Variants in PTPRD observed in about 807,000 individuals in gnomAD.
The protein encoded by PTPRD is protein tyrosine phosphatase receptor type D.
Under a neutral mutation model 214.5 loss-of-function variants are expected in PTPRD, and 34 were observed. The ratio of observed to expected loss-of-function variants is 0.16; its 90% CI spans 0.12 to 0.21. The LOEUF (loss-of-function observed/expected upper bound fraction) is 0.21, where lower values mean the gene tolerates loss of function less well. Ranked by LOEUF, PTPRD falls within the 10% of genes least tolerant of loss-of-function variation. The pLI is 1.00. For missense variants in PTPRD, 2,545 were observed against 2,398.7 expected (o/e 1.06, Z -1.27); for synonymous variants, 1,128 against 845.7 (o/e 1.33, Z -5.79).
chr9:9,954,331 T>C (rs996533164), intron 4 of PTPRD, among the ~76,000 whole-genome samples: 2 of 144,278 alleles, frequency 1.4e-5, no homozygotes, highest in Non-Finnish European at 1.5e-5. Context: ...AAAAGATCAT[T>C]GTCCTATAAA....
intron 12 of PTPRD, among the ~76,000 whole-genome samples, chr9:8,643,819 C>A (rs1178166071): frequency 6.6e-6 from 1 of 152,220 alleles, no homozygotes; most frequent in Non-Finnish European, 1.5e-5. Context: ...CCTGCAGATG[C>A]CCCTTGGCGT....
intron 9 of PTPRD, among the ~76,000 whole-genome samples, chr9:9,346,420 G>C (rs970044646): frequency 1.3e-5 from 2 of 152,032 alleles, no homozygotes; most frequent in South Asian, 2.1e-4. Context: ...AATGTACAAA[G>C]TTATTACCAT....
At chr9:9,327,887 A>G (rs1176746318) in intron 9 of PTPRD, among the ~76,000 whole-genome samples, 1 of 147,146 alleles carries the variant, frequency 6.8e-6, no homozygotes, top group East Asian at 2.1e-4. Flanking sequence ...CACTAACACT[A>G]ACGATAGTTG....
chr9:10,144,847 C>T (rs964035435), intron 3 of PTPRD, among the ~76,000 whole-genome samples: 4 of 152,022 alleles, frequency 2.6e-5, no homozygotes, highest in Non-Finnish European at 5.9e-5. Context: ...GTGGTTTATA[C>T]ATTTCTGGGA....
intron 12 of PTPRD, among the ~76,000 whole-genome samples, chr9:8,719,167 G>A (rs1003103217): frequency 6.6e-6 from 1 of 152,024 alleles, no homozygotes; most frequent in African/African-American, 2.4e-5. Flanking sequence ...CAGGCACACC[G>A]TGCAATGAAA....
intron 3 of PTPRD, among the ~76,000 whole-genome samples, chr9:10,136,529 C>T (rs1004685147): frequency 3.3e-5 from 5 of 151,912 alleles, no homozygotes; most frequent in Non-Finnish European, 7.4e-5. Context: ...TTATACCAAA[C>T]AAACTTTTCA....
intron 9 of PTPRD, among the ~76,000 whole-genome samples, chr9:9,202,598 T>C (rs997558085): frequency 6.6e-6 from 1 of 152,082 alleles, no homozygotes; most frequent in African/African-American, 2.4e-5. Flanking sequence ...AGTTGGGGGA[T>C]GGGGGGTGTA....
chr9:9,956,081 AT>A (rs1023499491), intron 4 of PTPRD, among the ~76,000 whole-genome samples: 6 of 152,304 alleles, frequency 3.9e-5, no homozygotes, highest in South Asian at 2.1e-4. Flanking sequence ...TTTTAAAAAA[AT>A]ATATAGATTT....
At chr9:8,594,143 G>T (rs1054755488) in intron 14 of PTPRD, among the ~76,000 whole-genome samples, 1 of 152,242 alleles carries the variant, frequency 6.6e-6, no homozygotes, top group South Asian at 2.1e-4. Flanking sequence ...GGTTTGACAT[G>T]TGAAATCACA....
chr9:9,329,615 T>G (rs1318683111), intron 9 of PTPRD, among the ~76,000 whole-genome samples: 1 of 152,194 alleles, frequency 6.6e-6, no homozygotes, highest in African/African-American at 2.4e-5. Context: ...CCTTCTATCT[T>G]CTGTTAGAGA....
intron 11 of PTPRD, among the ~76,000 whole-genome samples, chr9:8,874,150 G>A (rs2098350259): frequency 6.6e-6 from 1 of 152,274 alleles, no homozygotes; most frequent in South Asian, 2.1e-4. Context: ...CAGCCATTAT[G>A]AATAGTTTCA....
At chr9:8,331,873 G>C (rs957111756) in intron 43 of PTPRD, 137 bp from the exon 44 acceptor site, 53 of 1,010,800 alleles carry the variant, frequency 5.2e-5, no homozygotes, top group Non-Finnish European at 5.9e-5. Flanking sequence ...TGTTTAAATA[G>C]AAACTTAGTT....
intron 8 of PTPRD, among the ~76,000 whole-genome samples, chr9:9,419,299 G>T (rs1390354674): frequency 6.6e-6 from 1 of 151,526 alleles, no homozygotes; most frequent in Non-Finnish European, 1.5e-5. Flanking sequence ...AATTCTATCA[G>T]ATTTAATCAA....
At chr9:10,436,270 A>G (rs1321708150) in intron 2 of PTPRD, among the ~76,000 whole-genome samples, 2 of 151,986 alleles carry the variant, frequency 1.3e-5, no homozygotes, top group East Asian at 1.9e-4. Context: ...ATGTATATGT[A>G]TACACACATA....
At chr9:9,696,239 A>G (rs1318031117) in intron 7 of PTPRD, among the ~76,000 whole-genome samples, 2 of 152,172 alleles carry the variant, frequency 1.3e-5, no homozygotes, top group African/African-American at 4.8e-5. Flanking sequence ...TATTCTTGAG[A>G]ATGTTTCATA....
chr9:10,554,762 G>A (rs376975467), intron 2 of PTPRD, among the ~76,000 whole-genome samples: 2 of 152,018 alleles, frequency 1.3e-5, no homozygotes, highest in East Asian at 1.9e-4. Flanking sequence ...CCGGCTTCAC[G>A]CCATTCTCCT....
At chr9:8,997,850 T>C (rs2099402808) in intron 11 of PTPRD, among the ~76,000 whole-genome samples, 1 of 152,066 alleles carries the variant, frequency 6.6e-6, no homozygotes, top group Admixed American at 6.6e-5. Flanking sequence ...AATACACAAA[T>C]GATAAGAAAG....
At chr9:9,128,736 G>A (rs1207776000) in intron 10 of PTPRD, among the ~76,000 whole-genome samples, 1 of 152,198 alleles carries the variant, frequency 6.6e-6, no homozygotes, top group East Asian at 1.9e-4. Context: ...GTGGAGTTTA[G>A]GTTTCGTGTA....
Position 8,373,912 on chromosome 9 carries a change from A to ACC in PTPRD, c.4661+2023_4661+2024insGG, listed in dbSNP as rs1369353142. 6.0e-3 allele frequency among the ~76,000 whole-genome samples: 522 copies of ACC among 86,444 alleles called. 1 individual carries two copies. Among genetic ancestry groups the ACC allele is most frequent in the Middle Eastern group, 0.013 (2 of 156 alleles). 56.7% of individuals were successfully genotyped at this position (86,444 alleles called of 152,430 possible). On this transcript the variant is annotated intron_variant, in intron 39 of 45. Transcript: ENST00000381196. ...TATCTATCTATCTATCTATCTATCTATCTACCTACCTACCTATCTCAGTTT... is the reference window on the plus strand; with the variant it reads ...TATCTATCTATCTATCTATCTATCTACCTCTACCTACCTACCTATCTCAGTTT...
Sources: gnomAD v4.1 joint callset for allele counts (sites outside exome capture counted in the v4.1 genomes callset) on GRCh38, gnomAD v4.1.1 for gene constraint, MANE v1.5 for transcripts, NCBI Gene and HGNC (gene_info 2026-07-23, HGNC 2026-07-21) for gene names.